PARD3B: variants seen among roughly 807,000 people sequenced by gnomAD.
PARD3B encodes the protein partitioning defective 3 homolog B.
Under a neutral mutation model 130.2 loss-of-function variants are expected in PARD3B, and 103 were observed. That is an observed-to-expected ratio of 0.79 (90% CI 0.67 to 0.93). The LOEUF is 0.93. Ranked by LOEUF, PARD3B falls within the 40% of genes least tolerant of loss-of-function variation. The probability of loss-of-function intolerance (pLI) is 0.00; values close to 1 mark genes in which losing one functional copy is unlikely to be tolerated. For synonymous variants in PARD3B, 583 were observed against 553.2 expected (o/e 1.05, Z -0.76); for missense variants, 1,609 against 1,499.2 (o/e 1.07, Z -1.21).
chr2:205,205,755 T>C (rs1385733378), intron 15 of PARD3B, among the ~76,000 whole-genome samples: 1 of 152,218 alleles, frequency 6.6e-6, no homozygotes, highest in Non-Finnish European at 1.5e-5. Flanking sequence ...CATTAATTGA[T>C]TTGCGTATGT....
intron 2 of PARD3B, among the ~76,000 whole-genome samples, chr2:204,872,561 G>T (rs2045670914): frequency 6.6e-6 from 1 of 152,028 alleles, no homozygotes; most frequent in Admixed American, 6.6e-5. Flanking sequence ...TATTCAGTGT[G>T]TTTAAGTCCT....
rs185323569 is a variant in PARD3B at position 205,503,311 on chromosome 2, G to T, written c.3180+3280G>T. Among the ~76,000 whole-genome samples, 7 of 152,240 alleles carry T rather than the reference G, an allele frequency of 4.6e-5. No individual in the cohort carries two copies. In the East Asian group the frequency reaches 1.4e-3, roughly 29 times the overall value. On this transcript the variant is annotated intron_variant, in intron 21 of 22. Coordinates refer to ENST00000406610, the MANE Select transcript of PARD3B (RefSeq NM_001302769.2). ...CTGAGAGAGAGTAGTTCATTCTGCT[G>T]GAGGTGCATAGTTGGAGACAGAGTG... is the stretch of plus-strand genomic sequence containing the variant.
chr2:205,272,546 G>T (rs1273933192), intron 16 of PARD3B, among the ~76,000 whole-genome samples: 1 of 152,156 alleles, frequency 6.6e-6, no homozygotes, highest in Non-Finnish European at 1.5e-5. Context: ...CTAAAAAAAG[G>T]GTTTCTTCTT....
chr2:205,213,140 A>G (rs961124837), intron 15 of PARD3B, among the ~76,000 whole-genome samples: 3 of 152,072 alleles, frequency 2.0e-5, no homozygotes, highest in African/African-American at 7.2e-5. Context: ...CAGACGACCT[A>G]TTCTCTCTCC....
At chr2:205,165,021 T>G (rs1576027128) in intron 11 of PARD3B, among the ~76,000 whole-genome samples, 1 of 152,268 alleles carries the variant, frequency 6.6e-6, no homozygotes, top group East Asian at 1.9e-4. Flanking sequence ...GCCAAGTGCA[T>G]AAAAACCACC....
intron 16 of PARD3B, among the ~76,000 whole-genome samples, chr2:205,299,383 A>G (rs59179287): frequency 0.038 from 5,842 of 152,094 alleles, 334 homozygotes; most frequent in African/African-American, 0.13. Context: ...ACTCTTGTCT[A>G]TTGATAAATG....
At chr2:205,172,775 T>A (rs2035248062) in intron 12 of PARD3B, among the ~76,000 whole-genome samples, 1 of 152,194 alleles carries the variant, frequency 6.6e-6, no homozygotes, top group African/African-American at 2.4e-5. Context: ...TTCTCTTCCA[T>A]AATCTGCATA....
At chr2:205,150,252 T>TGTGTGTGTGTGTGCGCGCGCGC (rs375301293) in intron 10 of PARD3B, among the ~76,000 whole-genome samples, 1 of 145,780 alleles carries the variant, frequency 6.9e-6, no homozygotes, top group African/African-American at 2.6e-5. Context: ...TGTGTGTGTG[T>TGTGTGTGTGTGTGCGCGCGCGC]GCACACACGC....
chr2:204,781,536 C>T (rs2216484), intron 2 of PARD3B, among the ~76,000 whole-genome samples: 135,238 of 152,114 alleles, frequency 0.89, 60,615 homozygotes, highest in Middle Eastern at 0.97. Context: ...CATATCAAAA[C>T]GCAAATTAAA....
At chr2:205,436,801 C>G (rs891094766) in intron 19 of PARD3B, among the ~76,000 whole-genome samples, 2 of 152,046 alleles carry the variant, frequency 1.3e-5, no homozygotes, top group Non-Finnish European at 2.9e-5. Flanking sequence ...ACCTAGATTA[C>G]TGGTCCTATT....
chr2:204,555,822 T>G (rs894758511), intron 1 of PARD3B, among the ~76,000 whole-genome samples: 2 of 152,200 alleles, frequency 1.3e-5, no homozygotes, highest in African/African-American at 4.8e-5. Flanking sequence ...CCTATCTGCT[T>G]CTTTCATAGT....
At chr2:205,216,951 C>T (rs758985312) in intron 15 of PARD3B, among the ~76,000 whole-genome samples, 18 of 152,108 alleles carry the variant, frequency 1.2e-4, no homozygotes, top group Middle Eastern at 3.4e-3. Flanking sequence ...TTCTGGCTCT[C>T]GCACCCATAT....
At chr2:204,879,932 TAG>T (rs2045976713) in intron 2 of PARD3B, among the ~76,000 whole-genome samples, 2 of 152,228 alleles carry the variant, frequency 1.3e-5, no homozygotes, top group Non-Finnish European at 1.5e-5. Context: ...CAGATTGAAA[TAG>T]ACTCTAACTG....
intron 2 of PARD3B, among the ~76,000 whole-genome samples, chr2:204,754,462 C>T (rs1237876366): frequency 1.3e-5 from 2 of 152,110 alleles, no homozygotes; most frequent in Non-Finnish European, 2.9e-5. Context: ...CTTTGTGCCT[C>T]AGTTCCTTCA....
chr2:204,952,280 T>C (rs1348605239), intron 2 of PARD3B, among the ~76,000 whole-genome samples: 1 of 152,218 alleles, frequency 6.6e-6, no homozygotes, highest in African/African-American at 2.4e-5. Flanking sequence ...CCATCTGTAT[T>C]TGTTTAGAAT....
intron 2 of PARD3B, among the ~76,000 whole-genome samples, chr2:204,790,783 T>C (rs2042173982): frequency 6.6e-6 from 1 of 152,164 alleles, no homozygotes; most frequent in Non-Finnish European, 1.5e-5. Context: ...ATGAAAACAC[T>C]GTCCGCTTAT....
At position 205,078,340 on chromosome 2, in the gene PARD3B, A is replaced by G. The variant is rs117426651; in HGVS notation, c.505-26086A>G. Among the ~76,000 whole-genome samples the G allele has an allele frequency of 1.5e-3, 227 of 152,314 alleles. 2 individuals carry two copies. The East Asian group carries it at 0.041, about 28-fold the overall frequency. The stretch of plus-strand genomic sequence containing the variant: ...TTCACTCAATGGCTATCGCAGCATC[A>G]TTCTTCATAATTTTTATTAATTGTA... On this transcript the variant is annotated intron_variant, in intron 4 of 22. Transcript: ENST00000406610. The surrounding 1 kb of genome is among the most constrained non-coding windows in gnomAD (Gnocchi z 4.0).
chr2:204,828,667 A>T (rs184915675), intron 2 of PARD3B, among the ~76,000 whole-genome samples: 1 of 152,276 alleles, frequency 6.6e-6, no homozygotes, highest in East Asian at 1.9e-4. Context: ...AAATATCTTT[A>T]TATCCTGATT....
chr2:204,576,035 T>C (rs1416898355), intron 1 of PARD3B, among the ~76,000 whole-genome samples: 1 of 152,218 alleles, frequency 6.6e-6, no homozygotes, highest in African/African-American at 2.4e-5. Context: ...AAACCTCTTA[T>C]CTCTTCCTTC....
Sources: gnomAD v4.1 joint callset for allele counts (sites outside exome capture counted in the v4.1 genomes callset) on GRCh38, gnomAD v4.1.1 for gene constraint, Gnocchi (gnomAD v3.1) non-coding constraint, MANE v1.5 for transcripts, NCBI Gene and HGNC (gene_info 2026-07-23, HGNC 2026-07-21) for gene names.